Variants in PCDH11X observed in about 807,000 individuals in gnomAD.
PCDH11X encodes protocadherin-11 X-linked.
PCDH11X carries 18 observed loss-of-function variants against 53.3 expected under a neutral mutation model. The observed-to-expected ratio is 0.34, with a 90% confidence interval of 0.23 to 0.50. PCDH11X has a LOEUF of 0.50. PCDH11X is among the 20% of genes least tolerant of loss of function. The probability of loss-of-function intolerance (pLI) is 0.98; values close to 1 mark genes in which losing one functional copy is unlikely to be tolerated. For synonymous variants in PCDH11X, 279 were observed against 393.3 expected, an observed-to-expected ratio of 0.71 and a Z score of 3.44; for missense variants, 570 against 1,032.4, an observed-to-expected ratio of 0.55 and a Z score of 6.14.
At chrX:91,923,911 A>G (rs1474157851) in intron 6 of PCDH11X, among the ~76,000 whole-genome samples, 2 of 110,327 alleles carry the variant, frequency 1.8e-5, no homozygotes, top group African/African-American at 6.6e-5. Flanking sequence ...GAGCTGAAAA[A>G]CTACCAATTG....
chrX:92,517,531 T>A (rs2074290804), intron 10 of PCDH11X, among the ~76,000 whole-genome samples: 1 of 111,716 alleles, frequency 9.0e-6, no homozygotes. Flanking sequence ...AAATACAGTG[T>A]ACCAGAACAC....
intron 7 of PCDH11X, among the ~76,000 whole-genome samples, chrX:92,254,965 T>C (rs1247720370): frequency 1.0e-5 from 1 of 95,336 alleles, no homozygotes; most frequent in Non-Finnish European, 2.1e-5. Flanking sequence ...TTCTCTGTAT[T>C]TCCTGAATCT....
At chrX:92,521,368 A>T (rs1157503155) in intron 10 of PCDH11X, among the ~76,000 whole-genome samples, 1 of 111,733 alleles carries the variant, frequency 8.9e-6, no homozygotes, top group Non-Finnish European at 1.9e-5. Context: ...GACCAGGTAC[A>T]TTGGCAATGA....
chrX:91,970,546 C>T (rs2428610), intron 6 of PCDH11X, among the ~76,000 whole-genome samples: 3 of 110,493 alleles, frequency 2.7e-5, no homozygotes, highest in African/African-American at 6.6e-5. Flanking sequence ...CAATCTTTTA[C>T]CTAGACAGAA....
chrX:91,980,965 AT>A (rs929526271), intron 6 of PCDH11X, among the ~76,000 whole-genome samples: 18 of 90,281 alleles, frequency 2.0e-4, no homozygotes, highest in South Asian at 5.3e-4. Flanking sequence ...GTATATATAT[AT>A]ATATATACAC....
intron 9 of PCDH11X, among the ~76,000 whole-genome samples, chrX:92,437,445 TA>T (rs1182248386): frequency 1.8e-5 from 2 of 111,754 alleles, no homozygotes; most frequent in African/African-American, 6.5e-5. Context: ...TAATGAAGGA[TA>T]AATTACCTTA....
At position 91,878,491 on chromosome X, in the gene PCDH11X, G is replaced by A. The variant is rs1178578215; in HGVS notation, c.2251G>A (p.Val751Ile). 3.3e-6 allele frequency: 4 copies of A among 1,206,881 alleles called. No homozygotes were observed. Among genetic ancestry groups the A allele is most frequent in the Non-Finnish European group, 4.5e-6 (4 of 894,280 alleles). The change falls in exon 6 of 11, where the codon GTC becomes ATC. Residue 751 changes from valine to isoleucine, a missense_variant. By Grantham distance (29) the Val-to-Ile change is conservative (BLOSUM62 3). Transcript: ENST00000682573. ...AGACCTTGGTTTACACAGAGTGTTG[G>A]TCAAAGCTAATGACTTAGGACAGCC... ...VTDLGLHRVLVKANDLGQPDS... is the reference protein window; with the variant it reads ...VTDLGLHRVLIKANDLGQPDS...
chrX:91,932,308 A>G (rs1415447813), intron 6 of PCDH11X, among the ~76,000 whole-genome samples: 1 of 109,846 alleles, frequency 9.1e-6, no homozygotes, highest in African/African-American at 3.3e-5. Context: ...AAAGACAAAA[A>G]TGTCATGCCC....
intron 9 of PCDH11X, among the ~76,000 whole-genome samples, chrX:92,422,134 C>CTTTTT (rs67131959): frequency 3.5e-5 from 3 of 86,304 alleles, no homozygotes; most frequent in African/African-American, 8.6e-5. Context: ...AATTTCTTTT[C>CTTTTT]TTTTTTTTTT....
At chrX:91,781,278 G>A (rs1234512270) in intron 1 of PCDH11X, among the ~76,000 whole-genome samples, 1 of 110,080 alleles carries the variant, frequency 9.1e-6, no homozygotes, top group Non-Finnish European at 1.9e-5. Context: ...AAAAGTGTGT[G>A]GAAGAAACTG....
At chrX:92,013,330 G>A (rs1258204242) in intron 6 of PCDH11X, among the ~76,000 whole-genome samples, 9 of 111,696 alleles carry the variant, frequency 8.1e-5, no homozygotes, top group Non-Finnish European at 1.1e-4. Context: ...TACAAGGGAT[G>A]TGAAGGACCT....
chrX:92,052,291 C>G (rs1301693863), intron 6 of PCDH11X, among the ~76,000 whole-genome samples: 14 of 105,080 alleles, frequency 1.3e-4, no homozygotes, highest in African/African-American at 4.8e-4. Flanking sequence ...CAATAAAGTC[C>G]AGTTTTAAAA....
At chrX:92,097,085 T>A (rs760795241) in intron 6 of PCDH11X, among the ~76,000 whole-genome samples, 138 of 111,302 alleles carry the variant, frequency 1.2e-3, no homozygotes, top group African/African-American at 4.4e-3. Context: ...TTCTCTTTAA[T>A]TTTGTTTATT....
chrX:92,341,402 A>G (rs755085784), intron 8 of PCDH11X, among the ~76,000 whole-genome samples: 2 of 111,781 alleles, frequency 1.8e-5, no homozygotes, highest in Admixed American at 1.9e-4. Flanking sequence ...AAATTTTTGT[A>G]TTAGTCCATT....
At position 92,425,361 on chromosome X, in the gene PCDH11X, C is replaced by A. The variant is rs1382119032; in HGVS notation, c.3343+37428C>A. Among the ~76,000 whole-genome samples the A allele has an allele frequency of 1.7e-4, 18 of 107,948 alleles. 1 individual carries two copies. In the Admixed American group the frequency reaches 1.8e-3, roughly 11 times the overall value. The allele number at this position is 107,948 out of a possible 115,157, so 93.7% of individuals were successfully genotyped here. A position where few individuals can be genotyped will look rare whatever the true frequency, so the allele number is the denominator to read the frequency against. On this transcript the variant is annotated intron_variant, in intron 9 of 10. Coordinates refer to ENST00000682573, the MANE Select transcript of PCDH11X (RefSeq NM_032968.5). ...TTATAGATGTGTTTTGAAGATACAG[C>A]CAACAAAGTTCCCTAATATATTGTA...
At chrX:92,265,508 T>TA (rs772923242) in intron 8 of PCDH11X, among the ~76,000 whole-genome samples, 26 of 111,109 alleles carry the variant, frequency 2.3e-4, no homozygotes, top group African/African-American at 4.2e-4. Context: ...GTAAGCATAA[T>TA]AAAAAAAACA....
In PCDH11X at chrX:92,575,978, GTATATATATATATATA is replaced by G. The variant is rs1173562560; in HGVS notation, c.3368-42267_3368-42252del. 3.7e-3 allele frequency among the ~76,000 whole-genome samples: 68 copies of G among 18,452 alleles called. 1 individual carries two copies. The highest frequency in any genetic ancestry group is 0.022 in the African/African-American group (65 of 3,003). The allele number at this position is 18,452 out of a possible 115,157, so 16.0% of individuals were successfully genotyped here. A position where few individuals can be genotyped will look rare whatever the true frequency, so the allele number is the denominator to read the frequency against. On this transcript the variant is annotated intron_variant, in intron 10 of 10. Transcript: ENST00000682573. ...ACACACACACACACACACCTGGGGTGTATATATATATATATATATATATATATATATATACACACAC... is the reference window on the plus strand; with the variant it reads ...ACACACACACACACACACCTGGGGTGTATATATATATATATATACACACAC...
chrX:92,118,731 CTTTTTTTTTTTT>C (rs199880924), intron 6 of PCDH11X, among the ~76,000 whole-genome samples: 1 of 45,635 alleles, frequency 2.2e-5, no homozygotes, highest in Non-Finnish European at 4.0e-5. Context: ...ATAATGCAGT[CTTTTTTTTTTTT>C]TTTTTTTTTT....
intron 6 of PCDH11X, among the ~76,000 whole-genome samples, chrX:92,007,504 C>T (rs776665887): frequency 9.0e-6 from 1 of 111,372 alleles, no homozygotes; most frequent in South Asian, 3.8e-4. Context: ...CCCTTCAGGG[C>T]AATGGCCTCT....
Sources: gnomAD v4.1 joint callset for allele counts (sites outside exome capture counted in the v4.1 genomes callset) on GRCh38, gnomAD v4.1.1 for gene constraint, MANE v1.5 for transcripts, NCBI Gene and HGNC (gene_info 2026-07-23, HGNC 2026-07-21) for gene names.